The following CPLANE1 variants were observed in gnomAD, a reference collection of about 807,000 sequenced individuals.
The protein encoded by CPLANE1 is ciliogenesis and planar polarity effector complex subunit 1.
A neutral mutation model predicts 362.5 loss-of-function variants in CPLANE1; 263 were observed. That is an observed-to-expected ratio of 0.73 (90% CI 0.66 to 0.80). The LOEUF is 0.80. Ranked by LOEUF, CPLANE1 falls within the 30% of genes least tolerant of loss-of-function variation. The pLI is 0.00. For synonymous variants in CPLANE1, 1,212 were observed against 1,302.6 expected (o/e 0.93, Z 1.50); for missense variants, 3,461 against 3,793.4 (o/e 0.91, Z 2.30).
At chr5:37,135,310 G>A (rs1463266823) in intron 46 of CPLANE1, among the ~76,000 whole-genome samples, 2 of 152,134 alleles carry the variant, frequency 1.3e-5, no homozygotes, top group Non-Finnish European at 2.9e-5. Context: ...TCTATGATCT[G>A]AAAGTATGGT....
chr5:37,155,880 A>G (rs1044857676), intron 41 of CPLANE1, among the ~76,000 whole-genome samples: 1 of 152,190 alleles, frequency 6.6e-6, no homozygotes, highest in African/African-American at 2.4e-5. Flanking sequence ...TTCTATGTGA[A>G]TCTAAAAGCC....
chr5:37,205,920 T>C (rs1483196540), intron 17 of CPLANE1, among the ~76,000 whole-genome samples: 4 of 152,180 alleles, frequency 2.6e-5, no homozygotes, highest in Admixed American at 2.0e-4. Context: ...CACTGAGCTG[T>C]TCAATACAGT....
At chr5:37,102,381 T>C (rs1335147108), downstream of CPLANE1, among the ~76,000 whole-genome samples, 2 of 152,070 alleles carry the variant, frequency 1.3e-5, no homozygotes, top group Non-Finnish European at 2.9e-5. Flanking sequence ...AGAGGCAGGA[T>C]CTCACCATGT....
At chr5:37,155,114 T>C (rs1163715604) in intron 41 of CPLANE1, among the ~76,000 whole-genome samples, 1 of 152,220 alleles carries the variant, frequency 6.6e-6, no homozygotes, top group Non-Finnish European at 1.5e-5. Flanking sequence ...CTATCTGTAA[T>C]TTATCTCTAG....
At position 37,148,202 on chromosome 5, in the gene CPLANE1, T is replaced by G; in HGVS notation, c.8440A>C (p.Thr2814Pro). 6.2e-7 allele frequency: 1 copy of G among 1,613,144 alleles called. No individual in the cohort carries two copies. Among genetic ancestry groups the G allele is most frequent in the Non-Finnish European group, 8.5e-7 (1 of 1,179,454 alleles). Residue 2814 changes from threonine (T) to proline (P), a missense_variant, in exon 43 of 53, where the codon ACC becomes CCC. Physicochemically the swap from Thr to Pro is conservative, Grantham distance 38. Transcript: ENST00000651892. ...AAACCTTCTTCAGAAATGCTAATGGTTTTTGAAGCTAATGTTTTTTTGAAT... is the reference window on the plus strand; with the variant it reads ...AAACCTTCTTCAGAAATGCTAATGGGTTTTGAAGCTAATGTTTTTTTGAAT... ...PEFKKTLASK[T>P]ISISEEVRFL...
In CPLANE1 at chr5:37,239,776, T is replaced by G; in HGVS notation, c.771A>C (p.Leu257=). Residue 257 remains leucine, a synonymous_variant, in exon 7 of 53, where the codon CTA becomes CTC. Transcript: ENST00000651892. ...GGCCATCTCTTGAAAAGGCAGAAAT[T>G]AGAGCTCCTCTTGACTTTACTGATT... is the stretch of plus-strand genomic sequence containing the variant. ...KCESVKSRGA[L]ISAFSRDGLT... 1 of 1,546,614 alleles carries G rather than the reference T, an allele frequency of 6.5e-7. No homozygotes were observed. Among genetic ancestry groups the G allele is most frequent in the Non-Finnish European group, 8.7e-7 (1 of 1,144,320 alleles).
chr5:37,163,501 T>A (rs1777419039), intron 37 of CPLANE1, among the ~76,000 whole-genome samples: 1 of 151,618 alleles, frequency 6.6e-6, no homozygotes, highest in African/African-American at 2.4e-5. Context: ...ACTGTGAGAG[T>A]TTGGGTTTAC....
intron 44 of CPLANE1, chr5:37,140,401 G>C: frequency 1.0e-6 from 1 of 984,516 alleles, no homozygotes. Context: ...TTCGTTCTCA[G>C]AATCTGGGCA....
chr5:37,211,962 C>G, intron 16 of CPLANE1: 1 of 870,624 alleles, frequency 1.1e-6, no homozygotes, highest in Non-Finnish European at 2.0e-6. Flanking sequence ...ATATCAGCAC[C>G]CAAGTGTAGA....
intron 16 of CPLANE1, among the ~76,000 whole-genome samples, chr5:37,208,596 G>A (rs923538456): frequency 4.6e-5 from 7 of 151,448 alleles, no homozygotes; most frequent in South Asian, 2.1e-4. Context: ...AGAATGGCAC[G>A]AGCCCAGGAG....
At chr5:37,240,405 C>T (rs1186679134) in intron 6 of CPLANE1, among the ~76,000 whole-genome samples, 1 of 152,070 alleles carries the variant, frequency 6.6e-6, no homozygotes, top group African/African-American at 2.4e-5. Flanking sequence ...CACGGTTCTG[C>T]AGGCTGTGCA....
intron 40 of CPLANE1, 110 bp downstream of exon 40, chr5:37,157,560 A>G: frequency 8.7e-7 from 1 of 1,151,110 alleles, no homozygotes. Flanking sequence ...TAAACATCCA[A>G]AAATACAGTG....
At chr5:37,197,041 C>G (rs1561570175) in intron 20 of CPLANE1, among the ~76,000 whole-genome samples, 2 of 151,250 alleles carry the variant, frequency 1.3e-5, no homozygotes, top group Admixed American at 6.6e-5. Context: ...GAAAGAGAAA[C>G]AAGCTAAACG....
Position 37,226,717 on chromosome 5 carries a change from GC to G in CPLANE1, c.1877del (p.Ser626ThrfsTer26), listed in dbSNP as rs1327245073. Reference protein sequence around the residue: ...FPKLDLVLSKSSRHNAWILCI... With the variant: ...FPKLDLVLSKXSRHNAWILCI... ...AAAGTATCCATGCATTATGTCTTGA[GC>G]TTTTGCTTAAAACAAGATCAAGTTT... On this transcript the variant is annotated frameshift_variant, in exon 12 of 53. Transcript: ENST00000651892. The G allele has an allele frequency of 4.5e-6, 7 of 1,546,116 alleles. No individual in the cohort carries two copies. The highest frequency in any genetic ancestry group is 2.0e-5 in the Admixed American group (1 of 50,096).
intron 46 of CPLANE1, among the ~76,000 whole-genome samples, chr5:37,131,468 A>T (rs1765764172): frequency 6.6e-6 from 1 of 152,096 alleles, no homozygotes; most frequent in Non-Finnish European, 1.5e-5. Flanking sequence ...AAACACTGAT[A>T]TAACTTGGTC....
chr5:37,131,873 G>A (rs1013725838), intron 46 of CPLANE1, among the ~76,000 whole-genome samples: 3 of 152,006 alleles, frequency 2.0e-5, no homozygotes, highest in Admixed American at 2.0e-4. Flanking sequence ...TGCCCAGGCT[G>A]GTCTCAAACT....
intron 46 of CPLANE1, among the ~76,000 whole-genome samples, chr5:37,134,694 T>C (rs558975308): frequency 1.9e-4 from 29 of 152,266 alleles, no homozygotes; most frequent in African/African-American, 7.0e-4. Context: ...TGGGGTTAAT[T>C]TGTTCTTGTT....
chr5:37,139,903 G>T, intron 44 of CPLANE1: 1 of 985,394 alleles, frequency 1.0e-6, no homozygotes, highest in Middle Eastern at 5.2e-4. Context: ...TATGTCAGAA[G>T]GCACAACCCT....
chr5:37,215,206 C>G (rs1430665276), intron 15 of CPLANE1, among the ~76,000 whole-genome samples: 1 of 151,980 alleles, frequency 6.6e-6, no homozygotes, highest in Admixed American at 6.6e-5. Context: ...CGTGCCACCA[C>G]GCCCGGCTAA....
Sources: allele counts gnomAD v4.1 joint callset (sites outside exome capture counted in the v4.1 genomes callset), GRCh38; gene constraint gnomAD v4.1.1; transcripts MANE v1.5; gene names NCBI Gene and HGNC (gene_info 2026-07-23, HGNC 2026-07-21).